FAM171A1: variants seen among roughly 807,000 people sequenced by gnomAD.
The protein encoded by FAM171A1 is protein FAM171A1.
In FAM171A1, 23 loss-of-function variants were observed where a neutral mutation model predicts 74.9. That is an observed-to-expected ratio of 0.31 (90% CI 0.22 to 0.44). FAM171A1 has a LOEUF of 0.44. Among genes scored for constraint, FAM171A1 ranks in the 20% least tolerant of loss-of-function variants. The pLI, the probability that FAM171A1 is intolerant of heterozygous loss-of-function variation, is 1.00. For missense variants in FAM171A1, 1,162 were observed against 1,159.2 expected, an observed-to-expected ratio of 1.00 and a Z score of -0.03; for synonymous variants, 527 against 505.7, an observed-to-expected ratio of 1.04 and a Z score of -0.57.
At chr10:15,259,132 C>T (rs774289513) in intron 3 of FAM171A1, among the ~76,000 whole-genome samples, 1 of 152,204 alleles carries the variant, frequency 6.6e-6, no homozygotes, top group East Asian at 1.9e-4. Flanking sequence ...TTCTCCCTAT[C>T]TATCATCCTC....
At chr10:15,296,356 T>C (rs1304892950) in intron 1 of FAM171A1, among the ~76,000 whole-genome samples, 1 of 152,088 alleles carries the variant, frequency 6.6e-6, no homozygotes, top group East Asian at 1.9e-4. Flanking sequence ...TTAATATGTA[T>C]CTCATAATAT....
At chr10:15,288,971 C>T (rs570673094) in intron 1 of FAM171A1, among the ~76,000 whole-genome samples, 4 of 152,084 alleles carry the variant, frequency 2.6e-5, no homozygotes, top group Admixed American at 6.5e-5. Flanking sequence ...TACAGGCTTG[C>T]GCCATCACGC....
rs1169098742 is a variant in FAM171A1 at position 15,312,673 on chromosome 10, G to GTTTTTTTTTTTTT, written c.98-28581_98-28569dup. The stretch of plus-strand genomic sequence containing the variant: ...TACTGGAATGAGTTCAGCACTGTGT[G>GTTTTTTTTTTTTT]TTTTTTTTTTTTTTTTTTTTTTTTT... On this transcript the variant is annotated intron_variant, in intron 1 of 7. Transcript: ENST00000378116. Among the ~76,000 whole-genome samples, 12 of 36,402 alleles carry GTTTTTTTTTTTTT rather than the reference G, an allele frequency of 3.3e-4. 1 individual carries two copies. The highest frequency in any genetic ancestry group is 5.8e-4 in the African/African-American group (5 of 8,552). The allele number at this position is 36,402 out of a possible 152,430, so 23.9% of individuals were successfully genotyped here.
intron 5 of FAM171A1, among the ~76,000 whole-genome samples, chr10:15,237,158 A>G (rs1246836232): frequency 6.6e-6 from 1 of 152,168 alleles, no homozygotes; most frequent in African/African-American, 2.4e-5. Context: ...CAAAGTGAAT[A>G]CTCCATAAGT....
intron 3 of FAM171A1, among the ~76,000 whole-genome samples, chr10:15,266,463 C>T (rs560862346): frequency 1.3e-5 from 2 of 152,194 alleles, no homozygotes; most frequent in South Asian, 4.2e-4. Context: ...CCAGGCTGCC[C>T]TTCCTGTCCA....
At position 15,215,078 on chromosome 10, in the gene FAM171A1, G is replaced by A. The variant is rs143478478; in HGVS notation, c.987-477C>T. ...CCTTATTTTATCCTTATTAGAGTAG[G>A]ATAATCGAGAGATTTCATCTTTTAC... On this transcript the variant is annotated intron_variant, in intron 7 of 7. Transcript: ENST00000378116. Among the ~76,000 whole-genome samples, 12 of 152,110 alleles carry A rather than the reference G, an allele frequency of 7.9e-5. No homozygotes were observed. In the East Asian group the frequency reaches 2.1e-3, roughly 27 times the overall value.
At chr10:15,305,807 C>T (rs1245665615) in intron 1 of FAM171A1, among the ~76,000 whole-genome samples, 1 of 151,560 alleles carries the variant, frequency 6.6e-6, no homozygotes, top group Non-Finnish European at 1.5e-5. Flanking sequence ...CACAGAAGGA[C>T]ACTGTGGGGT....
intron 1 of FAM171A1, among the ~76,000 whole-genome samples, chr10:15,290,828 C>A (rs1367291304): frequency 6.6e-6 from 1 of 152,110 alleles, no homozygotes; most frequent in Non-Finnish European, 1.5e-5. Flanking sequence ...ATTAAAACTC[C>A]CACGGAGAGA....
intron 1 of FAM171A1, among the ~76,000 whole-genome samples, chr10:15,287,178 G>T (rs868758083): frequency 6.9e-6 from 1 of 144,634 alleles, no homozygotes; most frequent in East Asian, 2.0e-4. Context: ...CGTAAGCTTC[G>T]CCTCCCGGGT....
At chr10:15,332,010 C>A (rs1350382181) in intron 1 of FAM171A1, among the ~76,000 whole-genome samples, 2 of 151,430 alleles carry the variant, frequency 1.3e-5, no homozygotes, top group African/African-American at 4.9e-5. Context: ...AGTGCAATGG[C>A]GCGATCTTGG....
intron 1 of FAM171A1, among the ~76,000 whole-genome samples, chr10:15,305,699 G>C (rs538444552): frequency 7.5e-6 from 1 of 132,600 alleles, no homozygotes; most frequent in Non-Finnish European, 1.6e-5. Context: ...GATCAGAAGA[G>C]TGAATGAAAA....
chr10:15,220,912 C>A, intron 6 of FAM171A1, 32 bp downstream of exon 6: 1 of 1,538,202 alleles, frequency 6.5e-7, no homozygotes, highest in Non-Finnish European at 9.0e-7. Context: ...AGCAACTGAT[C>A]CGCATCATCG....
chr10:15,345,545 T>C (rs1217991550), intron 1 of FAM171A1, among the ~76,000 whole-genome samples: 1 of 152,030 alleles, frequency 6.6e-6, no homozygotes, highest in Admixed American at 6.6e-5. Flanking sequence ...TGAGGATATA[T>C]GTCATCAGTG....
chr10:15,310,061 C>T (rs1308335112), intron 1 of FAM171A1, among the ~76,000 whole-genome samples: 4 of 152,038 alleles, frequency 2.6e-5, no homozygotes, highest in Admixed American at 6.6e-5. Flanking sequence ...CTTAAGAATC[C>T]GATGATACTT....
At chr10:15,352,662 T>C (rs1835892693) in intron 1 of FAM171A1, among the ~76,000 whole-genome samples, 1 of 152,208 alleles carries the variant, frequency 6.6e-6, no homozygotes, top group Admixed American at 6.5e-5. Context: ...CAAAAAGTTG[T>C]GGGGAAAGTA....
Position 15,283,936 on chromosome 10 carries a change from G to C in FAM171A1, c.267C>G (p.Thr89=). 6.2e-7 allele frequency: 1 copy of C among 1,614,132 alleles called. No individual in the cohort carries two copies. The highest frequency in any genetic ancestry group is 8.5e-7 in the Non-Finnish European group (1 of 1,180,018). ...QYKLGSQLIV[T]ASKHAYVPNS... ...TTGGCACGTAGGCATGCTTCGAGGCGGTGACAATCAACTGACTGCCCAGCT... is the reference window on the plus strand; with the variant it reads ...TTGGCACGTAGGCATGCTTCGAGGCCGTGACAATCAACTGACTGCCCAGCT... The change falls in exon 2 of 8, where the codon ACC becomes ACG. Residue 89 remains threonine (T), a synonymous_variant. Transcript: ENST00000378116.
chr10:15,228,931 G>GTCT (rs1834145843), intron 5 of FAM171A1, among the ~76,000 whole-genome samples: 3 of 152,166 alleles, frequency 2.0e-5, no homozygotes, highest in African/African-American at 7.2e-5. Context: ...ACACTAAATG[G>GTCT]CCTCGTCATT....
intron 1 of FAM171A1, among the ~76,000 whole-genome samples, chr10:15,303,744 G>A (rs1373875547): frequency 6.6e-6 from 1 of 152,228 alleles, no homozygotes; most frequent in Non-Finnish European, 1.5e-5. Flanking sequence ...ATGGGTCACA[G>A]ACGTATATAC....
At chr10:15,301,857 A>C (rs774989168) in intron 1 of FAM171A1, among the ~76,000 whole-genome samples, 1 of 152,200 alleles carries the variant, frequency 6.6e-6, no homozygotes, top group African/African-American at 2.4e-5. Flanking sequence ...ACAGAATCTT[A>C]GACCTTTTTC....
Sources: allele counts gnomAD v4.1 joint callset (sites outside exome capture counted in the v4.1 genomes callset), GRCh38; gene constraint gnomAD v4.1.1; transcripts MANE v1.5; gene names NCBI Gene and HGNC (gene_info 2026-07-23, HGNC 2026-07-21).